EPHB1: variants seen among roughly 807,000 people sequenced by gnomAD.
EPHB1 encodes EPH receptor B1, also known as ephrin type-B receptor 1.
Under a neutral mutation model 94.4 loss-of-function variants are expected in EPHB1, and 30 were observed. The ratio of observed to expected loss-of-function variants is 0.32; its 90% CI spans 0.24 to 0.43. The LOEUF (loss-of-function observed/expected upper bound fraction) is 0.43, where lower values mean the gene tolerates loss of function less well. Among genes scored for constraint, EPHB1 ranks in the 20% least tolerant of loss-of-function variants. EPHB1 has a pLI of 1.00. For missense variants in EPHB1, 1,055 were observed against 1,308.3 expected (o/e 0.81, Z 2.99); for synonymous variants, 522 against 489.1 (o/e 1.07, Z -0.89).
In EPHB1 at chr3:135,172,724, C is replaced by T. The variant is rs576705934; in HGVS notation, c.1759+5718C>T. Among the ~76,000 whole-genome samples the T allele has an allele frequency of 9.8e-5, 15 of 152,334 alleles. No individual in the cohort carries two copies. In the South Asian group the frequency reaches 2.1e-3, roughly 21 times the overall value. On this transcript the variant is annotated intron_variant, in intron 9 of 15. Coordinates refer to ENST00000398015, the MANE Select transcript of EPHB1 (RefSeq NM_004441.5). The stretch of plus-strand genomic sequence containing the variant: ...AGCATTAGTCAATGAGGAGAGTAAA[C>T]GAAGTCTTATTGGGAGAGGAGGAAA...
intron 4 of EPHB1, among the ~76,000 whole-genome samples, chr3:135,125,427 G>A (rs1482758022): frequency 6.8e-6 from 1 of 148,136 alleles, no homozygotes; most frequent in Non-Finnish European, 1.5e-5. Flanking sequence ...AAATATCACA[G>A]CCCTTTCCTC....
intron 1 of EPHB1, among the ~76,000 whole-genome samples, chr3:134,913,608 C>T (rs570800759): frequency 1.3e-5 from 2 of 152,296 alleles, no homozygotes; most frequent in East Asian, 1.9e-4. Context: ...ACTCTATGGC[C>T]GGGGCCCCTA....
chr3:134,949,421 T>C (rs1932930818), intron 2 of EPHB1, among the ~76,000 whole-genome samples: 1 of 111,090 alleles, frequency 9.0e-6, no homozygotes, highest in Non-Finnish European at 1.9e-5. Context: ...TCCCCACCTC[T>C]CCACACTATG....
rs546851290 is a variant in EPHB1 at position 135,074,515 on chromosome 3, A to G, written c.806-31933A>G. ...CTAGGACTTTTACTGAATGAACAAC[A>G]TAAGCCTTGCTTTTATGGATACATT... On this transcript the variant is annotated intron_variant, in intron 3 of 15. Transcript: ENST00000398015. Among the ~76,000 whole-genome samples the G allele has an allele frequency of 1.1e-4, 17 of 152,350 alleles. No homozygotes were observed. The South Asian group carries it at 2.3e-3, about 20-fold the overall frequency.
intron 4 of EPHB1, among the ~76,000 whole-genome samples, chr3:135,122,660 C>T (rs539811073): frequency 7.9e-5 from 12 of 152,320 alleles, no homozygotes; most frequent in Admixed American, 3.9e-4. Context: ...CAGACTTGAG[C>T]TCAGGCTAGG....
intron 3 of EPHB1, among the ~76,000 whole-genome samples, chr3:135,026,212 G>T: frequency 2.1e-5 from 3 of 140,390 alleles, no homozygotes; most frequent in African/African-American, 5.2e-5. Flanking sequence ...AAGCTCTTTA[G>T]TTTAATTAGA....
chr3:135,061,515 T>C (rs1317302545), intron 3 of EPHB1, among the ~76,000 whole-genome samples: 1 of 152,196 alleles, frequency 6.6e-6, no homozygotes, highest in East Asian at 1.9e-4. Context: ...GTCTCCAGTC[T>C]CATCTAGGTC....
intron 9 of EPHB1, among the ~76,000 whole-genome samples, chr3:135,172,515 G>A: frequency 6.6e-6 from 1 of 152,186 alleles, no homozygotes; most frequent in East Asian, 1.9e-4. Flanking sequence ...ACACCCAGAA[G>A]CATGTCTAGT....
At chr3:134,998,052 A>G (rs1935051281) in intron 3 of EPHB1, among the ~76,000 whole-genome samples, 1 of 151,966 alleles carries the variant, frequency 6.6e-6, no homozygotes, top group Non-Finnish European at 1.5e-5. Context: ...TGTAGGTCTT[A>G]GTTCAATTTC....
chr3:134,981,764 A>G (rs542324070), intron 3 of EPHB1, among the ~76,000 whole-genome samples: 2 of 152,338 alleles, frequency 1.3e-5, no homozygotes, highest in South Asian at 2.1e-4. Context: ...GGAGATAGAA[A>G]TGTTCTTTGG....
chr3:135,032,267 TTCTATC>T, intron 3 of EPHB1, among the ~76,000 whole-genome samples: 1 of 147,724 alleles, frequency 6.8e-6, no homozygotes, highest in Non-Finnish European at 1.5e-5. Flanking sequence ...AATCTCTTTT[TTCTATC>T]TCTGATTTTT....
chr3:134,878,372 A>C (rs972038957), intron 1 of EPHB1, among the ~76,000 whole-genome samples: 5 of 152,230 alleles, frequency 3.3e-5, no homozygotes, highest in Non-Finnish European at 5.9e-5. Flanking sequence ...GCTCATATTA[A>C]CATTATCAAA....
At chr3:135,189,383 A>G (rs1021476458) in intron 10 of EPHB1, among the ~76,000 whole-genome samples, 3 of 152,210 alleles carry the variant, frequency 2.0e-5, no homozygotes, top group Admixed American at 6.5e-5. Context: ...GCGGCATGTC[A>G]GTATCACCGG....
At chr3:135,048,437 T>C (rs1054309538) in intron 3 of EPHB1, among the ~76,000 whole-genome samples, 2 of 151,898 alleles carry the variant, frequency 1.3e-5, no homozygotes, top group African/African-American at 4.8e-5. Flanking sequence ...GCCTGCCTGT[T>C]TTTTGTAATT....
chr3:135,086,469 T>C (rs1938367214), intron 3 of EPHB1, among the ~76,000 whole-genome samples: 1 of 151,546 alleles, frequency 6.6e-6, no homozygotes, highest in Non-Finnish European at 1.5e-5. Flanking sequence ...ACACAAAGTC[T>C]TCTGCTTGAT....
chr3:135,058,459 C>G (rs1356837540), intron 3 of EPHB1, among the ~76,000 whole-genome samples: 1 of 152,154 alleles, frequency 6.6e-6, no homozygotes, highest in Non-Finnish European at 1.5e-5. Flanking sequence ...GTCTTTACCA[C>G]CATTCCAGAT....
chr3:134,881,526 G>A (rs2037730164), intron 1 of EPHB1, among the ~76,000 whole-genome samples: 1 of 152,176 alleles, frequency 6.6e-6, no homozygotes, highest in Admixed American at 6.5e-5. Flanking sequence ...GACTGATGCA[G>A]CTATTGGAAA....
chr3:135,142,309 C>A (rs1035632915), intron 5 of EPHB1, among the ~76,000 whole-genome samples: 1 of 152,104 alleles, frequency 6.6e-6, no homozygotes, highest in Non-Finnish European at 1.5e-5. Context: ...GGTGATCACA[C>A]GTTTAGAAAG....
intron 13 of EPHB1, among the ~76,000 whole-genome samples, chr3:135,242,228 C>T (rs558196746): frequency 2.6e-5 from 4 of 152,292 alleles, no homozygotes; most frequent in South Asian, 2.1e-4. Context: ...TGCAAAGCTG[C>T]ATACCTATGT....
Sources: gnomAD v4.1 joint callset for allele counts (sites outside exome capture counted in the v4.1 genomes callset) on GRCh38, gnomAD v4.1.1 for gene constraint, MANE v1.5 for transcripts, NCBI Gene and HGNC (gene_info 2026-07-23, HGNC 2026-07-21) for gene names.